Variants in AXIN1 observed in about 807,000 individuals in gnomAD.
The protein encoded by AXIN1 is axin 1.
A neutral mutation model predicts 76.4 loss-of-function variants in AXIN1; 30 were observed. That is an observed-to-expected ratio of 0.39 (90% confidence interval 0.29 to 0.53). The LOEUF (loss-of-function observed/expected upper bound fraction) is 0.53, where lower values mean the gene tolerates loss of function less well. Ranked by LOEUF, AXIN1 falls within the 20% of genes least tolerant of loss-of-function variation. AXIN1 has a pLI of 0.66. For synonymous variants in AXIN1, 545 were observed against 501.4 expected, an observed-to-expected ratio of 1.09 and a Z score of -1.16; for missense variants, 1,140 against 1,198.8, an observed-to-expected ratio of 0.95 and a Z score of 0.72.
intron 2 of AXIN1, among the ~76,000 whole-genome samples, chr16:327,162 C>T (rs371069600): frequency 7.9e-5 from 12 of 151,832 alleles, no homozygotes; most frequent in African/African-American, 9.7e-5. Flanking sequence ...AGATTGCCAG[C>T]ACCCCCATCA....
At chr16:335,628 A>AAC (rs2053788126) in intron 2 of AXIN1, among the ~76,000 whole-genome samples, 1 of 151,428 alleles carries the variant, frequency 6.6e-6, no homozygotes, top group Admixed American at 6.6e-5. Flanking sequence ...GGCACCCAAT[A>AAC]ACAGCACCCA....
chr16:337,352 G>A (rs1430207307), intron 2 of AXIN1, among the ~76,000 whole-genome samples: 1 of 151,908 alleles, frequency 6.6e-6, no homozygotes, highest in Non-Finnish European at 1.5e-5. Flanking sequence ...CCAACTGTAT[G>A]AATGCCACTG....
At chr16:332,243 T>C (rs1345042377) in intron 2 of AXIN1, among the ~76,000 whole-genome samples, 2 of 152,138 alleles carry the variant, frequency 1.3e-5, no homozygotes, top group East Asian at 3.8e-4. Flanking sequence ...AACATCACAA[T>C]CACAAGTAAA....
At chr16:322,136 A>G (rs1183125008) in intron 2 of AXIN1, among the ~76,000 whole-genome samples, 2 of 152,234 alleles carry the variant, frequency 1.3e-5, no homozygotes, top group Non-Finnish European at 2.9e-5. Context: ...TCTTGTGGCC[A>G]GGGAAACCCA....
chr16:288,530 A>G (rs1462619656), intron 10 of AXIN1, among the ~76,000 whole-genome samples: 1 of 152,048 alleles, frequency 6.6e-6, no homozygotes, highest in East Asian at 1.9e-4. Flanking sequence ...TGCAGGGGGG[A>G]AGTGGACGGG....
chr16:330,584 C>T (rs572653886), intron 2 of AXIN1, among the ~76,000 whole-genome samples: 1 of 152,326 alleles, frequency 6.6e-6, no homozygotes, highest in East Asian at 1.9e-4. Context: ...TTGTGCTGCT[C>T]ACTGCCACAT....
At chr16:349,044 G>A (rs1363345542) in intron 1 of AXIN1, among the ~76,000 whole-genome samples, 3 of 151,972 alleles carry the variant, frequency 2.0e-5, no homozygotes, top group Non-Finnish European at 2.9e-5. Context: ...CTTGCAGTGA[G>A]CCGACACCGC....
intron 7 of AXIN1, among the ~76,000 whole-genome samples, chr16:296,408 T>TG (rs2141498740): frequency 6.6e-6 from 1 of 152,368 alleles, no homozygotes; most frequent in East Asian, 1.9e-4. Flanking sequence ...GACCTGCCTC[T>TG]GACCACGACA....
chr16:343,721 A>C (rs2053974590), intron 2 of AXIN1, among the ~76,000 whole-genome samples: 1 of 144,314 alleles, frequency 6.9e-6, no homozygotes, highest in Admixed American at 6.9e-5. Context: ...AAACAAGCAA[A>C]AAAAATAACC....
At chr16:306,655 G>C (rs1163665203) in intron 4 of AXIN1, among the ~76,000 whole-genome samples, 1 of 152,236 alleles carries the variant, frequency 6.6e-6, no homozygotes, top group Admixed American at 6.5e-5. Context: ...CACAGTAGAC[G>C]AGGCTCAGAG....
At chr16:343,561 G>A (rs1461490432) in intron 2 of AXIN1, among the ~76,000 whole-genome samples, 1 of 151,168 alleles carries the variant, frequency 6.6e-6, no homozygotes, top group African/African-American at 2.4e-5. Context: ...AAATTAGCTG[G>A]GCATGGTAGC....
Position 293,587 on chromosome 16 carries a change from G to A in AXIN1, c.2087C>T (p.Pro696Leu), listed in dbSNP as rs751824852. 18 of 1,612,826 alleles carry A rather than the reference G, an allele frequency of 1.1e-5. No individual in the cohort carries two copies. The highest frequency in any genetic ancestry group is 1.5e-5 in the Non-Finnish European group (18 of 1,179,932). The change falls in exon 8 of 11, where the codon CCA (proline) becomes CTA (leucine). Residue 696 changes from proline to leucine, a missense_variant. By Grantham distance (98) the Pro-to-Leu change is moderately conservative. Coordinates refer to ENST00000262320, the MANE Select transcript of AXIN1 (RefSeq NM_003502.4). This position sits in a 1 kb window ranked among gnomAD's most constrained non-coding sequence, Gnocchi z 4.6. The stretch of plus-strand genomic sequence containing the variant: ...TAGGGGGTTGGGAGCTGGGTGGGGT[G>A]GCATGGTGGGGTCTTGGATGAAGAG... ...SHLFIQDPTM[P>L]PHPAPNPLTQ...
chr16:327,567 C>T (rs1250150321), intron 2 of AXIN1, among the ~76,000 whole-genome samples: 3 of 152,236 alleles, frequency 2.0e-5, no homozygotes, highest in South Asian at 2.1e-4. Flanking sequence ...CAAACAGTGA[C>T]GATAGGGAGG....
intron 2 of AXIN1, among the ~76,000 whole-genome samples, chr16:345,150 G>A (rs933950377): frequency 6.6e-5 from 10 of 151,464 alleles, no homozygotes; most frequent in South Asian, 2.1e-4. Flanking sequence ...AAGGAAGAAC[G>A]AAGAAACAGG....
chr16:332,297 G>A (rs1028076137), intron 2 of AXIN1, among the ~76,000 whole-genome samples: 1 of 152,230 alleles, frequency 6.6e-6, no homozygotes, highest in Non-Finnish European at 1.5e-5. Context: ...CTGCAGCCAG[G>A]CTGGGCGCGG....
intron 2 of AXIN1, among the ~76,000 whole-genome samples, chr16:332,446 G>C (rs1341095317): frequency 6.6e-6 from 1 of 151,844 alleles, no homozygotes; most frequent in South Asian, 2.1e-4. Context: ...GCGTGGTGGC[G>C]GGCGCCTGTA....
chr16:287,964 A>AC lies in AXIN1; in HGVS notation c.*157dup, dbSNP rs1272224577. On this transcript the variant is annotated 3_prime_UTR_variant, in exon 11 of 11. Coordinates refer to ENST00000262320, the MANE Select transcript of AXIN1 (RefSeq NM_003502.4). ...AGAAGCTTGTGGACCACTTGGAGGG[A>AC]CCCCCTACCTGCCTCTAGACACGGG... 7.3e-6 allele frequency: 9 copies of AC among 1,240,840 alleles called. No individual in the cohort carries two copies. Among genetic ancestry groups the AC allele is most frequent in the South Asian group, 4.9e-5 (4 of 81,016 alleles). 76.9% of individuals were successfully genotyped at this position (1,240,840 alleles called of 1,614,324 possible).
intron 2 of AXIN1, among the ~76,000 whole-genome samples, chr16:342,698 A>G (rs774945258): frequency 5.9e-5 from 9 of 152,232 alleles, no homozygotes; most frequent in Non-Finnish European, 8.8e-5. Flanking sequence ...CCTCAGAGCA[A>G]CAGCGGGCCC....
At chr16:330,849 A>C (rs762960107) in intron 2 of AXIN1, among the ~76,000 whole-genome samples, 1 of 152,224 alleles carries the variant, frequency 6.6e-6, no homozygotes, top group Non-Finnish European at 1.5e-5. Context: ...ACCTTTCACA[A>C]GCTCAGATTA....
Sources: allele counts gnomAD v4.1 joint callset (sites outside exome capture counted in the v4.1 genomes callset), GRCh38; gene constraint gnomAD v4.1.1; non-coding constraint Gnocchi (gnomAD v3.1); transcripts MANE v1.5; gene names NCBI Gene and HGNC (gene_info 2026-07-23, HGNC 2026-07-21).